KCNH5: variants seen among roughly 807,000 people sequenced by gnomAD.
The protein encoded by KCNH5 is voltage-gated delayed rectifier potassium channel KCNH5.
In KCNH5, 46 loss-of-function variants were observed where a neutral mutation model predicts 96.1. The ratio of observed to expected loss-of-function variants is 0.48; its 90% CI spans 0.38 to 0.61. The LOEUF (loss-of-function observed/expected upper bound fraction) is 0.61. KCNH5 is among the 20% of genes least tolerant of loss of function. The probability of loss-of-function intolerance (pLI) is 0.00; values close to 1 mark genes in which losing one functional copy is unlikely to be tolerated. For missense variants in KCNH5, 907 were observed against 1,225.8 expected, an observed-to-expected ratio of 0.74 and a Z score of 3.88; for synonymous variants, 439 against 449.8, an observed-to-expected ratio of 0.98 and a Z score of 0.30.
intron 10 of KCNH5, among the ~76,000 whole-genome samples, chr14:62,717,743 G>A (rs113305923): frequency 3.3e-5 from 5 of 152,272 alleles, no homozygotes; most frequent in South Asian, 2.1e-4. Context: ...CAATGGTTTC[G>A]TAGATAGGTA....
rs1024571533 is a variant in KCNH5, at chr14:62,911,348, G to A, written c.1369+38785C>T. 4.7e-5 allele frequency among the ~76,000 whole-genome samples: 7 copies of A among 147,524 alleles called. No individual in the cohort carries two copies. In the East Asian group the frequency reaches 6.0e-4, roughly 13 times the overall value. ...AGCTGGAGTGCAGTGGCGCAATCTC[G>A]GCTCACTGCAAGCTCCACCTCCCAG... On this transcript the variant is annotated intron_variant, in intron 7 of 10. Coordinates refer to ENST00000322893, the MANE Select transcript of KCNH5 (RefSeq NM_139318.5).
intron 8 of KCNH5, among the ~76,000 whole-genome samples, chr14:62,810,607 T>C (rs561728058): frequency 2.0e-5 from 3 of 152,112 alleles, no homozygotes; most frequent in Non-Finnish European, 2.9e-5. Flanking sequence ...GAGTGACCTC[T>C]GATCATCCTC....
chr14:62,956,631 C>T (rs561267126), intron 6 of KCNH5, among the ~76,000 whole-genome samples: 27 of 35,686 alleles, frequency 7.6e-4, no homozygotes, highest in South Asian at 1.6e-3. Flanking sequence ...TTGGTGGGGG[C>T]GGGGGGGGGC....
intron 7 of KCNH5, among the ~76,000 whole-genome samples, chr14:62,941,647 G>A (rs1175762379): frequency 6.6e-6 from 1 of 152,114 alleles, no homozygotes. Flanking sequence ...CTCCCCATCT[G>A]GCTAAAACTA....
intron 10 of KCNH5, among the ~76,000 whole-genome samples, chr14:62,753,097 C>T (rs950103471): frequency 2.6e-5 from 4 of 152,024 alleles, no homozygotes; most frequent in African/African-American, 9.7e-5. Context: ...CAAAGAAATT[C>T]AAGATAACAC....
chr14:62,799,940 C>A (rs1886625827), intron 9 of KCNH5, among the ~76,000 whole-genome samples: 1 of 146,638 alleles, frequency 6.8e-6, no homozygotes, highest in African/African-American at 2.5e-5. Flanking sequence ...ATTAAACTAT[C>A]AAAAATGAGA....
chr14:62,729,977 A>G (rs1885015886), intron 10 of KCNH5, among the ~76,000 whole-genome samples: 1 of 152,230 alleles, frequency 6.6e-6, no homozygotes, highest in Non-Finnish European at 1.5e-5. Flanking sequence ...TTATAATGTT[A>G]CCGTGTTACA....
At chr14:63,026,696 CAA>C (rs1048572693) in intron 1 of KCNH5, among the ~76,000 whole-genome samples, 40 of 151,960 alleles carry the variant, frequency 2.6e-4, no homozygotes, top group African/African-American at 9.6e-4. Context: ...ATCAAAAAGA[CAA>C]AAGATAACAG....
chr14:62,840,719 G>A (rs950554577), intron 8 of KCNH5, among the ~76,000 whole-genome samples: 11 of 151,282 alleles, frequency 7.3e-5, no homozygotes, highest in East Asian at 1.9e-4. Context: ...ACAAGTACGC[G>A]CCACCACATC....
intron 6 of KCNH5, among the ~76,000 whole-genome samples, chr14:62,962,557 T>C (rs545678639): frequency 1.3e-5 from 2 of 152,170 alleles, no homozygotes; most frequent in South Asian, 2.1e-4. Flanking sequence ...ACATACTTGA[T>C]GAAGTGGAAG....
chr14:63,026,359 C>G (rs548687535), intron 1 of KCNH5, among the ~76,000 whole-genome samples: 1 of 151,842 alleles, frequency 6.6e-6, no homozygotes, highest in East Asian at 1.9e-4. Flanking sequence ...CAGAAATTAC[C>G]AAATGAAATT....
rs564312782 is a variant in KCNH5 at position 62,761,980 on chromosome 14, G to C, written c.2019+17748C>G. On this transcript the variant is annotated intron_variant, in intron 10 of 10. Coordinates refer to ENST00000322893, the MANE Select transcript of KCNH5 (RefSeq NM_139318.5). ...CATTCTTGGCCCCCAGCAGCTCCTG[G>C]GGAAGAGGTGAGTTAAACAGGTGTG... Among the ~76,000 whole-genome samples the C allele has an allele frequency of 2.4e-4, 36 of 152,228 alleles. No individual in the cohort carries two copies. In the Middle Eastern group the frequency reaches 0.014, roughly 58 times the overall value.
At chr14:62,730,202 C>T (rs1193492478) in intron 10 of KCNH5, among the ~76,000 whole-genome samples, 1 of 152,178 alleles carries the variant, frequency 6.6e-6, no homozygotes, top group African/African-American at 2.4e-5. Context: ...TACATAGTTA[C>T]TCTAGGCACT....
intron 7 of KCNH5, among the ~76,000 whole-genome samples, chr14:62,887,396 T>C (rs1888618618): frequency 6.6e-6 from 1 of 152,214 alleles, no homozygotes; most frequent in Non-Finnish European, 1.5e-5. Context: ...TGCAATTCAA[T>C]GTCAGTATTT....
intron 7 of KCNH5, among the ~76,000 whole-genome samples, chr14:62,939,974 A>G (rs558647344): frequency 1.6e-4 from 24 of 152,274 alleles, no homozygotes; most frequent in African/African-American, 4.6e-4. Context: ...CTTACGTACA[A>G]TCTATTCTGG....
intron 7 of KCNH5, among the ~76,000 whole-genome samples, chr14:62,860,485 C>A (rs1888011916): frequency 6.6e-6 from 1 of 152,164 alleles, no homozygotes; most frequent in Non-Finnish European, 1.5e-5. Context: ...AGAAAAATCC[C>A]TCTGAAATAG....
chr14:62,800,156 A>G (rs1886631677), intron 9 of KCNH5, among the ~76,000 whole-genome samples: 1 of 151,892 alleles, frequency 6.6e-6, no homozygotes, highest in African/African-American at 2.4e-5. Context: ...GAGCCTATAG[A>G]AAAAAAAGAA....
At chr14:62,900,274 A>G (rs58900215) in intron 7 of KCNH5, among the ~76,000 whole-genome samples, 8,119 of 152,316 alleles carry the variant, frequency 0.053, 712 homozygotes, top group African/African-American at 0.18. Context: ...TGTAACGGAT[A>G]CTATAAGAAT....
intron 7 of KCNH5, among the ~76,000 whole-genome samples, chr14:62,899,552 C>T (rs2140091798): frequency 6.6e-6 from 1 of 152,218 alleles, no homozygotes; most frequent in South Asian, 2.1e-4. Context: ...AAAATTGAGG[C>T]CGGGCGCGGT....
Sources: allele counts gnomAD v4.1 joint callset (sites outside exome capture counted in the v4.1 genomes callset), GRCh38; gene constraint gnomAD v4.1.1; transcripts MANE v1.5; gene names NCBI Gene and HGNC (gene_info 2026-07-23, HGNC 2026-07-21).